The following MEDAG variants were observed in gnomAD, a reference collection of about 807,000 sequenced individuals.
MEDAG encodes the protein mesenteric estrogen-dependent adipogenesis protein.
Under a neutral mutation model 29.9 loss-of-function variants are expected in MEDAG, and 25 were observed. That is an observed-to-expected ratio of 0.84 (90% confidence interval 0.61 to 1.17). MEDAG has a LOEUF of 1.17. Among genes scored for constraint, MEDAG ranks in the 50% most tolerant of loss-of-function variants. The pLI, the probability that MEDAG is intolerant of heterozygous loss-of-function variation, is 0.00. For synonymous variants in MEDAG, 158 were observed against 148.2 expected (o/e 1.07, Z -0.48); for missense variants, 398 against 372.9 (o/e 1.07, Z -0.56).
chr13:30,920,219 G>T (rs1300388586), intron 2 of MEDAG, among the ~76,000 whole-genome samples: 1 of 152,186 alleles, frequency 6.6e-6, no homozygotes, highest in African/African-American at 2.4e-5. Context: ...GGAAAGCATG[G>T]AGCAGCCCTG....
chr13:30,921,831 A>C lies in MEDAG; in HGVS notation c.772A>C (p.Ser258Arg), dbSNP rs573642481. 6.2e-7 allele frequency: 1 copy of C among 1,606,848 alleles called. No individual in the cohort carries two copies. The highest frequency in any genetic ancestry group is 2.2e-5 in the East Asian group (1 of 44,814). The change falls in exon 4 of 5, where the codon AGT becomes CGT. Residue 258 changes from serine (S) to arginine (R), a missense_variant. Physicochemically the swap from Ser to Arg is moderately radical, Grantham distance 110. Coordinates refer to ENST00000380482, the MANE Select transcript of MEDAG (RefSeq NM_032849.4). ...RRSSFSDRKF[S>R]VTSRGSIDDV... ...GAGCAGTTTCTCTGACCGAAAGTTC[A>C]GTGTAACTTCCAGAGGTATGTTAAA... is the stretch of plus-strand genomic sequence containing the variant.
chr13:30,913,231 G>T (rs1272229136), intron 1 of MEDAG, among the ~76,000 whole-genome samples: 1 of 152,072 alleles, frequency 6.6e-6, no homozygotes, highest in African/African-American at 2.4e-5. Flanking sequence ...TTGTTTGTTT[G>T]TTGAGATAGG....
chr13:30,915,305 C>A (rs1307013148), intron 1 of MEDAG, among the ~76,000 whole-genome samples: 1 of 152,152 alleles, frequency 6.6e-6, no homozygotes, highest in East Asian at 1.9e-4. Context: ...TCTGAAATAT[C>A]TATGATATTT....
At chr13:30,914,179 T>C (rs971872989) in intron 1 of MEDAG, among the ~76,000 whole-genome samples, 1 of 152,224 alleles carries the variant, frequency 6.6e-6, no homozygotes, top group Non-Finnish European at 1.5e-5. Flanking sequence ...AACAACTAAA[T>C]TCTCCGATCT....
Position 30,906,522 on chromosome 13 carries a change from G to A in MEDAG, c.7G>A (p.Gly3Arg), listed in dbSNP as rs1234686895. Residue 3 changes from glycine to arginine, a missense_variant, in exon 1 of 5, where the codon GGG (glycine) becomes AGG (arginine). By Grantham distance (125) the Gly-to-Arg change is moderately radical. Transcript: ENST00000380482. Reference protein sequence around the residue: MAGAACEPVARPS... With the variant: MARAACEPVARPS... ...GAGGACCGACGACGCGGGCATGGCGGGGGCGGCCTGCGAGCCGGTGGCCAG... is the reference window on the plus strand; with the variant it reads ...GAGGACCGACGACGCGGGCATGGCGAGGGCGGCCTGCGAGCCGGTGGCCAG... 2 of 1,511,236 alleles carry A rather than the reference G, an allele frequency of 1.3e-6. No homozygotes were observed. Among genetic ancestry groups the A allele is most frequent in the African/African-American group, 1.4e-5 (1 of 69,862 alleles). The allele number at this position is 1,511,236 out of a possible 1,614,324, so 93.6% of individuals were successfully genotyped here.
chr13:30,920,958 G>C, intron 2 of MEDAG, 56 bp from the exon 3 acceptor site: 1 of 1,410,948 alleles, frequency 7.1e-7, no homozygotes, highest in Non-Finnish European at 9.9e-7. Flanking sequence ...ATTATAAGAA[G>C]CATGCTTATG....
intron 1 of MEDAG, among the ~76,000 whole-genome samples, chr13:30,917,078 A>G (rs546264927): frequency 4.6e-5 from 7 of 152,180 alleles, no homozygotes; most frequent in Non-Finnish European, 1.0e-4. Context: ...ATCAATTCAG[A>G]GGGACTTAGA....
chr13:30,914,893 A>T (rs1952912454), intron 1 of MEDAG, among the ~76,000 whole-genome samples: 1 of 152,226 alleles, frequency 6.6e-6, no homozygotes, highest in Non-Finnish European at 1.5e-5. Flanking sequence ...GCTTTCCATT[A>T]AGAATGACAA....
At chr13:30,906,891 T>TGTCGCAGGCA in intron 1 of MEDAG, 98 bp downstream of exon 1, 2 of 1,235,208 alleles carry the variant, frequency 1.6e-6, no homozygotes, top group Non-Finnish European at 2.1e-6. Flanking sequence ...CCTCGCTGCC[T>TGTCGCAGGCA]GCGACACCGC....
intron 1 of MEDAG, among the ~76,000 whole-genome samples, 167 bp downstream of exon 1, chr13:30,906,960 G>C (rs1305047167): frequency 1.3e-5 from 2 of 152,218 alleles, no homozygotes; most frequent in East Asian, 3.9e-4. Context: ...CCCGGAGCCT[G>C]CACGCTCGCC....
At chr13:30,908,034 A>G (rs1308991835) in intron 1 of MEDAG, among the ~76,000 whole-genome samples, 2 of 152,210 alleles carry the variant, frequency 1.3e-5, no homozygotes, top group African/African-American at 4.8e-5. Flanking sequence ...TAAAAAGAAG[A>G]TACCCATTGT....
rs1020067606 is a variant in MEDAG, at chr13:30,924,714, A to C, written c.*279A>C. The C allele has an allele frequency of 1.1e-5, 3 of 263,026 alleles. No individual in the cohort carries two copies. Among genetic ancestry groups the C allele is most frequent in the African/African-American group, 6.6e-5 (3 of 45,320 alleles). The allele number at this position is 263,026 out of a possible 1,614,324, so 16.3% of individuals were successfully genotyped here. A position where few individuals can be genotyped will look rare whatever the true frequency, so the allele number is the denominator to read the frequency against. ...CTGGGGGATATTCTCTACTTTGAAC[A>C]CTTCTCCAAAGAGGCAGAAGGGCCA... On this transcript the variant is annotated 3_prime_UTR_variant, in exon 5 of 5. Transcript: ENST00000380482.
intron 4 of MEDAG, chr13:30,922,089 A>C: frequency 3.1e-6 from 1 of 323,354 alleles, no homozygotes; most frequent in Non-Finnish European, 5.6e-6. Context: ...ACCCCAAAAT[A>C]ACTTTAAATA....
chr13:30,907,517 G>A (rs1387993132), intron 1 of MEDAG, among the ~76,000 whole-genome samples: 1 of 152,180 alleles, frequency 6.6e-6, no homozygotes, highest in African/African-American at 2.4e-5. Context: ...AGCTCTTCTT[G>A]GCAGACCGGC....
chr13:30,918,419 G>A (rs1432527507), intron 2 of MEDAG, among the ~76,000 whole-genome samples: 3 of 152,114 alleles, frequency 2.0e-5, no homozygotes. Context: ...TATAGATGAG[G>A]AAACTAAGAA....
intron 1 of MEDAG, chr13:30,916,768 A>T (rs528600269): frequency 1.2e-4 from 18 of 152,460 alleles, no homozygotes; most frequent in African/African-American, 3.6e-4. Context: ...AGGATTCAGA[A>T]AGATCTTCCT....
intron 1 of MEDAG, chr13:30,909,188 A>T (rs2138114557): frequency 6.6e-6 from 1 of 150,876 alleles, no homozygotes; most frequent in South Asian, 2.1e-4. Flanking sequence ...TTGCTATGGT[A>T]TTTTCCACAT....
At chr13:30,923,482 C>T (rs536548884) in intron 4 of MEDAG, among the ~76,000 whole-genome samples, 2 of 152,260 alleles carry the variant, frequency 1.3e-5, no homozygotes, top group African/African-American at 4.8e-5. Flanking sequence ...CTCTGTCTCT[C>T]TGTCTTTCTG....
chr13:30,921,887 A>G lies in MEDAG; in HGVS notation c.787+41A>G, dbSNP rs777898561. ...CGAAGGATATGTGGAAGGTAGTTAA[A>G]TAAAAGGGTAGAGTAAAATAATGGA... is the stretch of plus-strand genomic sequence containing the variant. On this transcript the variant is annotated intron_variant, in intron 4 of 4. Transcript: ENST00000380482. The G allele has an allele frequency of 2.1e-5, 33 of 1,540,676 alleles. 1 individual carries two copies. The South Asian group carries it at 4.3e-4, about 20-fold the overall frequency.
Sources: allele counts gnomAD v4.1 joint callset (sites outside exome capture counted in the v4.1 genomes callset), GRCh38; gene constraint gnomAD v4.1.1; transcripts MANE v1.5; gene names NCBI Gene and HGNC (gene_info 2026-07-23, HGNC 2026-07-21).